ADAM23: variants seen among roughly 807,000 people sequenced by gnomAD.
ADAM23 encodes the protein ADAM metallopeptidase domain 23, also known as disintegrin and metalloproteinase domain-containing protein 23.
ADAM23 carries 33 observed loss-of-function variants against 120.1 expected under a neutral mutation model. That is an observed-to-expected ratio of 0.27 (90% CI 0.21 to 0.37). ADAM23 has a LOEUF of 0.37. Ranked by LOEUF, ADAM23 falls within the 10% of genes least tolerant of loss-of-function variation. The pLI, the probability that ADAM23 is intolerant of heterozygous loss-of-function variation, is 1.00. For synonymous variants in ADAM23, 367 were observed against 375.2 expected, an observed-to-expected ratio of 0.98 and a Z score of 0.25; for missense variants, 862 against 1,058.2, an observed-to-expected ratio of 0.81 and a Z score of 2.57.
intron 11 of ADAM23, among the ~76,000 whole-genome samples, chr2:206,560,748 C>G (rs1402877061): frequency 6.6e-6 from 1 of 152,174 alleles, no homozygotes; most frequent in Non-Finnish European, 1.5e-5. Flanking sequence ...TTCCTCCCAC[C>G]ATTACCGTTG....
intron 18 of ADAM23, among the ~76,000 whole-genome samples, chr2:206,584,329 G>T (rs1698279352): frequency 2.0e-5 from 3 of 152,176 alleles, no homozygotes; most frequent in Admixed American, 2.0e-4. Context: ...TTTTGTGCTG[G>T]TTGGCCTCCT....
At chr2:206,480,461 C>CTT (rs112352748) in intron 2 of ADAM23, among the ~76,000 whole-genome samples, 5 of 131,762 alleles carry the variant, frequency 3.8e-5, no homozygotes, top group Admixed American at 7.6e-5. Context: ...TAGCCTTGTT[C>CTT]TTTTTTTTTT....
chr2:206,464,787 A>G (rs1695507900), intron 2 of ADAM23, among the ~76,000 whole-genome samples: 1 of 151,962 alleles, frequency 6.6e-6, no homozygotes, highest in Non-Finnish European at 1.5e-5. Context: ...GGCTACTGGA[A>G]TCTAGTGGGT....
At chr2:206,611,626 T>G (rs1187126638) in intron 25 of ADAM23, among the ~76,000 whole-genome samples, 1 of 152,204 alleles carries the variant, frequency 6.6e-6, no homozygotes, top group Non-Finnish European at 1.5e-5. Context: ...AAACAGTCTA[T>G]TACACGTCTT....
At chr2:206,585,362 T>C (rs1698302042) in intron 18 of ADAM23, among the ~76,000 whole-genome samples, 1 of 152,220 alleles carries the variant, frequency 6.6e-6, no homozygotes, top group Non-Finnish European at 1.5e-5. Context: ...TTTCTGCTCT[T>C]GTGTAGTTGT....
intron 3 of ADAM23, among the ~76,000 whole-genome samples, chr2:206,520,337 A>G (rs928790707): frequency 2.0e-5 from 3 of 152,186 alleles, no homozygotes; most frequent in African/African-American, 7.2e-5. Flanking sequence ...CACACAAAAG[A>G]CAATAGTAGT....
intron 3 of ADAM23, among the ~76,000 whole-genome samples, chr2:206,498,678 G>T (rs1195861905): frequency 1.3e-5 from 2 of 152,116 alleles, no homozygotes; most frequent in Non-Finnish European, 2.9e-5. Context: ...AAGAGCTTTT[G>T]CACAGCAAAA....
chr2:206,446,232 A>G (rs1330832898), intron 2 of ADAM23, among the ~76,000 whole-genome samples: 1 of 152,228 alleles, frequency 6.6e-6, no homozygotes, highest in African/African-American at 2.4e-5. Context: ...TATCAGTAGA[A>G]GACAAATGTT....
intron 2 of ADAM23, among the ~76,000 whole-genome samples, chr2:206,476,628 AC>A (rs1364191191): frequency 6.6e-6 from 1 of 152,066 alleles, no homozygotes; most frequent in African/African-American, 2.4e-5. Context: ...CCCCCACTCC[AC>A]CCCATCCGTG....
intron 18 of ADAM23, among the ~76,000 whole-genome samples, chr2:206,583,174 G>T (rs1263009798): frequency 6.6e-6 from 1 of 152,162 alleles, no homozygotes; most frequent in Non-Finnish European, 1.5e-5. Context: ...TCTTCCTCCG[G>T]CCGGGCACAG....
chr2:206,486,035 G>A (rs1293083287), intron 3 of ADAM23, among the ~76,000 whole-genome samples: 2 of 152,212 alleles, frequency 1.3e-5, no homozygotes, highest in Non-Finnish European at 2.9e-5. Context: ...AGGGGATAGT[G>A]GGAGAACGAG....
intron 3 of ADAM23, among the ~76,000 whole-genome samples, chr2:206,491,510 C>T (rs1311137199): frequency 2.6e-5 from 4 of 152,156 alleles, no homozygotes; most frequent in Non-Finnish European, 2.9e-5. Flanking sequence ...CGGGTATCCA[C>T]CCCAATGCAG....
chr2:206,592,516 A>G, intron 21 of ADAM23, 101 bp from the exon 22 acceptor site: 1 of 1,389,968 alleles, frequency 7.2e-7, no homozygotes, highest in Non-Finnish European at 9.9e-7. Context: ...AGAAAGAAAG[A>G]TAATATTTTA....
intron 20 of ADAM23, among the ~76,000 whole-genome samples, chr2:206,589,155 T>G (rs1032081240): frequency 6.6e-6 from 1 of 152,186 alleles, no homozygotes; most frequent in Non-Finnish European, 1.5e-5. Flanking sequence ...CAGTGTTGTT[T>G]TGGAGCTTTT....
At chr2:206,515,419 A>G (rs1044209419) in intron 3 of ADAM23, among the ~76,000 whole-genome samples, 1 of 152,114 alleles carries the variant, frequency 6.6e-6, no homozygotes, top group Non-Finnish European at 1.5e-5. Flanking sequence ...GGCACGCTCC[A>G]TGAGATTTGC....
chr2:206,477,319 T>C (rs1366669683), intron 2 of ADAM23, among the ~76,000 whole-genome samples: 1 of 152,206 alleles, frequency 6.6e-6, no homozygotes, highest in African/African-American at 2.4e-5. Flanking sequence ...TTTGTGTATA[T>C]AATTGAGTTT....
At chr2:206,544,389 CAT>C (rs1381021902) in intron 6 of ADAM23, among the ~76,000 whole-genome samples, 1 of 152,008 alleles carries the variant, frequency 6.6e-6, no homozygotes, top group African/African-American at 2.4e-5. Flanking sequence ...TAAAATTTGA[CAT>C]ATATTCAGTA....
In ADAM23 at chr2:206,621,047, G is replaced by A. The variant is rs1699046926; in HGVS notation, c.*3420G>A. 6.6e-6 allele frequency: 1 copy of A among 152,170 alleles called. No homozygotes were observed. The highest frequency in any genetic ancestry group is 1.5e-5 in the Non-Finnish European group (1 of 68,040). The allele number at this position is 152,170 out of a possible 1,614,324, so 9.4% of individuals were successfully genotyped here. A position where few individuals can be genotyped will look rare whatever the true frequency, so the allele number is the denominator to read the frequency against. On this transcript the variant is annotated 3_prime_UTR_variant, in exon 26 of 26. Transcript: ENST00000264377. ...AAATTAATAAATTCATTCGTATCTT[G>A]TTGGCTGCCTATGAATGGAGATTCA...
chr2:206,495,257 C>T (rs2105888689), intron 3 of ADAM23, among the ~76,000 whole-genome samples: 1 of 152,248 alleles, frequency 6.6e-6, no homozygotes, highest in Admixed American at 6.5e-5. Context: ...AGAGAAAGGT[C>T]AGGTTACCCA....
Sources: allele counts gnomAD v4.1 joint callset (sites outside exome capture counted in the v4.1 genomes callset), GRCh38; gene constraint gnomAD v4.1.1; transcripts MANE v1.5; gene names NCBI Gene and HGNC (gene_info 2026-07-23, HGNC 2026-07-21).